The following OTUD7A variants were observed in gnomAD, a reference collection of about 807,000 sequenced individuals.
OTUD7A encodes OTU domain-containing protein 7A.
OTUD7A carries 12 observed loss-of-function variants against 65.7 expected under a neutral mutation model. The ratio of observed to expected loss-of-function variants is 0.18; its 90% CI spans 0.12 to 0.30. OTUD7A has a LOEUF of 0.30. Ranked by LOEUF, OTUD7A falls within the 10% of genes least tolerant of loss-of-function variation. The pLI, the probability that OTUD7A is intolerant of heterozygous loss-of-function variation, is 1.00. For missense variants in OTUD7A, 1,148 were observed against 1,304.8 expected (o/e 0.88, Z 1.85); for synonymous variants, 641 against 586.3 (o/e 1.09, Z -1.35).
At chr15:31,729,273 T>C (rs1244244972) in intron 1 of OTUD7A, among the ~76,000 whole-genome samples, 1 of 152,172 alleles carries the variant, frequency 6.6e-6, no homozygotes, top group Non-Finnish European at 1.5e-5. Flanking sequence ...TATCTGTTTA[T>C]TGAAGAAATA....
chr15:31,752,767 T>A (rs1894672418), intron 1 of OTUD7A, among the ~76,000 whole-genome samples: 1 of 152,178 alleles, frequency 6.6e-6, no homozygotes, highest in South Asian at 2.1e-4. Context: ...TGGTATTAAT[T>A]GTTTTAACTG....
chr15:31,625,242 G>A (rs1566949243), intron 3 of OTUD7A, among the ~76,000 whole-genome samples: 2 of 152,128 alleles, frequency 1.3e-5, no homozygotes, highest in South Asian at 2.1e-4. Context: ...CTGTAGCCTC[G>A]AGAAGGACCC....
chr15:31,559,377 A>G (rs1362864488), intron 4 of OTUD7A, among the ~76,000 whole-genome samples, 190 bp from the exon 5 acceptor site: 1 of 152,162 alleles, frequency 6.6e-6, no homozygotes, highest in Non-Finnish European at 1.5e-5. Flanking sequence ...AACACACCAT[A>G]CATGTTCACA....
rs191753741 is a variant in OTUD7A, at chr15:31,613,310, T to C, written c.151+41786A>G. The stretch of plus-strand genomic sequence containing the variant: ...ATAAATAGCTGGAACTTAATTAAAC[T>C]AAAGAGCTTTTGCATGGTAAAAGGA... On this transcript the variant is annotated intron_variant, in intron 3 of 12. Coordinates refer to ENST00000307050, the MANE Select transcript of OTUD7A (RefSeq NM_001382637.1). Among the ~76,000 whole-genome samples the C allele has an allele frequency of 7.7e-4, 117 of 152,234 alleles. 1 individual carries two copies. The highest frequency in any genetic ancestry group is 2.3e-3 in the South Asian group (11 of 4,818).
At chr15:31,786,763 C>T (rs562288790) in intron 1 of OTUD7A, among the ~76,000 whole-genome samples, 53 of 152,224 alleles carry the variant, frequency 3.5e-4, no homozygotes, top group African/African-American at 1.3e-3. Flanking sequence ...AAGCAGGTCT[C>T]CCCCTCAGGA....
chr15:31,798,271 G>A (rs566661793), intron 1 of OTUD7A, among the ~76,000 whole-genome samples: 2 of 152,258 alleles, frequency 1.3e-5, no homozygotes, highest in South Asian at 4.1e-4. Context: ...CTGAGAGAGG[G>A]TGGCCCCATT....
intron 3 of OTUD7A, among the ~76,000 whole-genome samples, chr15:31,614,283 C>T (rs1890519496): frequency 6.7e-6 from 1 of 149,818 alleles, no homozygotes; most frequent in Middle Eastern, 3.5e-3. Flanking sequence ...CGACCTGCAC[C>T]CCAATAACCT....
intron 1 of OTUD7A, among the ~76,000 whole-genome samples, chr15:31,752,672 G>A (rs76913569): frequency 8.5e-5 from 13 of 152,058 alleles, no homozygotes; most frequent in East Asian, 5.8e-4. Context: ...TAATATTACC[G>A]CCAATATTAA....
rs779361631 is a variant in OTUD7A at position 31,527,308 on chromosome 15, C to T, written c.653G>A (p.Gly218Glu). 1 of 1,613,848 alleles carries T rather than the reference C, an allele frequency of 6.2e-7. No homozygotes were observed. The change falls in exon 7 of 13, where the codon GGA (glycine) becomes GAA (glutamate). Residue 218 changes from glycine to glutamate, a missense_variant and splice_region_variant. Gly to Glu is a moderately conservative substitution (Grantham distance 98, BLOSUM62 -2). Coordinates refer to ENST00000307050, the MANE Select transcript of OTUD7A (RefSeq NM_001382637.1). ...GTCCCGGTCGTGAAACCCCCACATT[C>T]CTGGAGCCAGGAGGCCAGGGAGAAC... Reference protein sequence around the residue: ...GNCLLHAASLGMWGFHDRDLV... With the variant: ...GNCLLHAASLEMWGFHDRDLV...
Position 31,478,236 on chromosome 15 carries a change from T to C in OTUD7A, c.*5058A>G, listed in dbSNP as rs188566530. On this transcript the variant is annotated 3_prime_UTR_variant, in exon 13 of 13. Transcript: ENST00000307050. Reference sequence around the variant, plus strand: ...GCAGATAAATTCTAAAACAGCTGGTTTCACTCATTTGTCCTCATTAAATAG... The same window carrying C: ...GCAGATAAATTCTAAAACAGCTGGTCTCACTCATTTGTCCTCATTAAATAG... 4 of 152,370 alleles carry C rather than the reference T, an allele frequency of 2.6e-5. No homozygotes were observed. In the East Asian group the frequency reaches 7.7e-4, roughly 29 times the overall value. 9.4% of individuals were successfully genotyped at this position (152,370 alleles called of 1,614,324 possible). A position where few individuals can be genotyped will look rare whatever the true frequency, so the allele number is the denominator to read the frequency against.
At chr15:31,770,954 G>C (rs1451601315) in intron 1 of OTUD7A, among the ~76,000 whole-genome samples, 2 of 152,170 alleles carry the variant, frequency 1.3e-5, no homozygotes, top group Non-Finnish European at 2.9e-5. Context: ...TATCAGACTT[G>C]ACGGTGCAAG....
chr15:31,579,593 G>A (rs578026159), intron 3 of OTUD7A, among the ~76,000 whole-genome samples: 137 of 152,262 alleles, frequency 9.0e-4, no homozygotes, highest in Middle Eastern at 3.4e-3. Flanking sequence ...ATGATTTCTG[G>A]AATTTTCCAT....
chr15:31,788,362 T>C (rs758058809), intron 1 of OTUD7A, among the ~76,000 whole-genome samples: 5 of 152,212 alleles, frequency 3.3e-5, no homozygotes, highest in Admixed American at 6.5e-5. Flanking sequence ...AGAATAGATC[T>C]GGGCTTCATG....
At chr15:31,744,862 A>G (rs1023851372) in intron 1 of OTUD7A, among the ~76,000 whole-genome samples, 10 of 152,130 alleles carry the variant, frequency 6.6e-5, no homozygotes, top group African/African-American at 2.4e-4. Context: ...CATCAATTAT[A>G]TTTTTATATA....
intron 8 of OTUD7A, among the ~76,000 whole-genome samples, chr15:31,523,935 G>A (rs573101721): frequency 1.3e-5 from 2 of 152,314 alleles, no homozygotes; most frequent in Admixed American, 1.3e-4. Context: ...GCCTTGCTGA[G>A]GCGCTCTCTG....
intron 1 of OTUD7A, among the ~76,000 whole-genome samples, chr15:31,781,184 T>C (rs1260415902): frequency 6.6e-6 from 1 of 152,180 alleles, no homozygotes; most frequent in Non-Finnish European, 1.5e-5. Flanking sequence ...GCAGACAGGA[T>C]GCAGTGTGAC....
In OTUD7A at chr15:31,494,586, C is replaced by T. The variant is rs900229144; in HGVS notation, c.1172-7020G>A. The stretch of plus-strand genomic sequence containing the variant: ...TGAAAAAACTCTCAGGCTGAGAGAG[C>T]GTTCAGCATCTAACACAATTTCTGG... On this transcript the variant is annotated intron_variant, in intron 10 of 12. Transcript: ENST00000307050. Among the ~76,000 whole-genome samples the T allele has an allele frequency of 5.9e-5, 9 of 152,336 alleles. No individual in the cohort carries two copies. The East Asian group carries it at 9.6e-4, about 16-fold the overall frequency.
At chr15:31,766,537 T>C (rs1174034390) in intron 1 of OTUD7A, 1 of 1,613,032 alleles carries the variant, frequency 6.2e-7, no homozygotes, top group Non-Finnish European at 8.5e-7. Flanking sequence ...TCACTTTCCA[T>C]AGCTGTTTGC....
chr15:31,593,278 A>C (rs896548176), intron 3 of OTUD7A, among the ~76,000 whole-genome samples: 3 of 152,058 alleles, frequency 2.0e-5, no homozygotes, highest in African/African-American at 7.2e-5. Flanking sequence ...CACAGGACCT[A>C]CATCTCCTAT....
Sources: gnomAD v4.1 joint callset for allele counts (sites outside exome capture counted in the v4.1 genomes callset) on GRCh38, gnomAD v4.1.1 for gene constraint, MANE v1.5 for transcripts, NCBI Gene and HGNC (gene_info 2026-07-23, HGNC 2026-07-21) for gene names.